The following KALRN variants were observed in gnomAD, a reference collection of about 807,000 sequenced individuals.
KALRN encodes kalirin.
A neutral mutation model predicts 353.7 loss-of-function variants in KALRN; 70 were observed. The observed-to-expected ratio is 0.20, with a 90% confidence interval of 0.16 to 0.24. KALRN has a LOEUF of 0.24. Among genes scored for constraint, KALRN ranks in the 10% least tolerant of loss-of-function variants. KALRN has a pLI of 1.00. For synonymous variants in KALRN, 1,391 were observed against 1,434.8 expected, an observed-to-expected ratio of 0.97 and a Z score of 0.69; for missense variants, 2,791 against 3,756.7, an observed-to-expected ratio of 0.74 and a Z score of 6.72.
chr3:124,532,896 A>G (rs1276948421), intron 33 of KALRN, among the ~76,000 whole-genome samples: 1 of 151,384 alleles, frequency 6.6e-6, no homozygotes, highest in Admixed American at 6.6e-5. Flanking sequence ...TAATCAGTAT[A>G]CTTTCCTATT....
intron 1 of KALRN, among the ~76,000 whole-genome samples, chr3:124,135,890 A>G (rs760660437): frequency 1.2e-4 from 18 of 152,298 alleles, no homozygotes; most frequent in African/African-American, 3.9e-4. Context: ...GCATTTCCTT[A>G]TATCATTTTA....
At chr3:124,260,912 T>C (rs1455810956) in intron 3 of KALRN, among the ~76,000 whole-genome samples, 2 of 152,122 alleles carry the variant, frequency 1.3e-5, no homozygotes. Flanking sequence ...CCCTAATTTA[T>C]CCCGTCTCCT....
At chr3:124,112,674 G>C (rs1287925319) in intron 1 of KALRN, among the ~76,000 whole-genome samples, 1 of 152,100 alleles carries the variant, frequency 6.6e-6, no homozygotes, top group Non-Finnish European at 1.5e-5. Context: ...TCTATGGCTT[G>C]ATCTCATCTT....
chr3:124,106,576 C>T (rs902378105), intron 1 of KALRN, among the ~76,000 whole-genome samples: 6 of 152,216 alleles, frequency 3.9e-5, no homozygotes, highest in African/African-American at 1.4e-4. Flanking sequence ...GACATCAGTT[C>T]CTCCTCCCTT....
intron 19 of KALRN, among the ~76,000 whole-genome samples, chr3:124,443,473 C>A (rs916286472): frequency 3.9e-5 from 6 of 152,194 alleles, no homozygotes; most frequent in Admixed American, 1.3e-4. Flanking sequence ...AGAATGGAAT[C>A]AAAGTTCCCT....
rs892697384 is a variant in KALRN at position 124,659,415 on chromosome 3, C to T, written c.6174C>T (p.Ile2058=). The change falls in exon 43 of 60, where the codon ATC becomes ATT. Residue 2058 remains isoleucine (I), a synonymous_variant. Coordinates refer to ENST00000682506, the MANE Select transcript of KALRN (RefSeq NM_001388419.1). The part of the protein sequence containing the change: ...NQRLTLSDFL[I]KPIQRITKYQ... ...GGCTGACACTGAGTGACTTCCTCAT[C>T]AAGCCCATTCAGAGAATAACAAAAT... 1 of 1,613,784 alleles carries T rather than the reference C, an allele frequency of 6.2e-7. No homozygotes were observed. The highest frequency in any genetic ancestry group is 1.3e-5 in the African/African-American group (1 of 74,916).
chr3:124,676,677 C>T (rs1389250334), intron 49 of KALRN, among the ~76,000 whole-genome samples: 2 of 152,234 alleles, frequency 1.3e-5, no homozygotes, highest in Non-Finnish European at 2.9e-5. Context: ...AGGACACACA[C>T]ATACACAACG....
intron 1 of KALRN, among the ~76,000 whole-genome samples, chr3:124,186,766 A>G (rs2074276646): frequency 6.6e-6 from 1 of 152,134 alleles, no homozygotes; most frequent in African/African-American, 2.4e-5. Context: ...ACACAGTCCA[A>G]ATTTCAACCA....
intron 53 of KALRN, 136 bp downstream of exon 53, chr3:124,694,639 G>A: frequency 2.5e-6 from 2 of 815,484 alleles, no homozygotes; most frequent in South Asian, 1.8e-5. Context: ...CTGTTCTTGG[G>A]CAAACACTTG....
At chr3:124,444,281 A>G (rs2093758818) in intron 19 of KALRN, among the ~76,000 whole-genome samples, 1 of 152,198 alleles carries the variant, frequency 6.6e-6, no homozygotes, top group South Asian at 2.1e-4. Flanking sequence ...ACCCAGGAGA[A>G]TTTCCTATAG....
intron 18 of KALRN, 150 bp downstream of exon 18, chr3:124,439,187 T>TTCTC (rs111880516): frequency 4.2e-6 from 2 of 480,572 alleles, no homozygotes; most frequent in African/African-American, 5.9e-5. Flanking sequence ...CTTCTTCTCC[T>TTCTC]TCTCTCTCTC....
At chr3:124,091,260 G>A (rs1457833657) in intron 1 of KALRN, among the ~76,000 whole-genome samples, 1 of 152,222 alleles carries the variant, frequency 6.6e-6, no homozygotes, top group Non-Finnish European at 1.5e-5. Flanking sequence ...AGGGAGATCA[G>A]TATGTCTGTG....
chr3:124,105,491 G>A (rs375180308), intron 1 of KALRN, among the ~76,000 whole-genome samples: 18 of 152,220 alleles, frequency 1.2e-4, no homozygotes, highest in East Asian at 9.7e-4. Flanking sequence ...TTTTTCGAAA[G>A]TATTGACAAG....
intron 33 of KALRN, among the ~76,000 whole-genome samples, chr3:124,512,163 A>C (rs534059005): frequency 2.6e-5 from 4 of 152,274 alleles, no homozygotes; most frequent in Admixed American, 1.3e-4. Flanking sequence ...GTATTCATCT[A>C]TGTGGTTTGA....
intron 4 of KALRN, among the ~76,000 whole-genome samples, chr3:124,265,861 A>G (rs558205554): frequency 4.6e-5 from 7 of 152,284 alleles, no homozygotes; most frequent in African/African-American, 1.7e-4. Flanking sequence ...CTGTACTGTA[A>G]TCCCAACACT....
At chr3:124,047,641 C>T (rs760452422) in intron 1 of KALRN, among the ~76,000 whole-genome samples, 17 of 150,964 alleles carry the variant, frequency 1.1e-4, no homozygotes, top group South Asian at 2.1e-4. Context: ...TACAGGCGCC[C>T]GCCACCACGC....
intron 1 of KALRN, among the ~76,000 whole-genome samples, chr3:124,146,246 TTTG>T (rs1485221475): frequency 6.6e-6 from 1 of 152,198 alleles, no homozygotes; most frequent in African/African-American, 2.4e-5. Flanking sequence ...CTGCCAACCA[TTTG>T]TTGTCAGTCA....
At chr3:124,625,026 A>G (rs570834612) in intron 34 of KALRN, among the ~76,000 whole-genome samples, 1 of 152,352 alleles carries the variant, frequency 6.6e-6, no homozygotes, top group South Asian at 2.1e-4. Context: ...ACACAGAAAA[A>G]AGTCAGTCAT....
intron 10 of KALRN, among the ~76,000 whole-genome samples, chr3:124,350,084 C>T (rs923666301): frequency 3.9e-5 from 6 of 152,218 alleles, no homozygotes; most frequent in African/African-American, 1.4e-4. Context: ...CTTCCTTGCC[C>T]TCTGCCTGAT....
Sources: gnomAD v4.1 joint callset for allele counts (sites outside exome capture counted in the v4.1 genomes callset) on GRCh38, gnomAD v4.1.1 for gene constraint, MANE v1.5 for transcripts, NCBI Gene and HGNC (gene_info 2026-07-23, HGNC 2026-07-21) for gene names.